AKAP6: variants seen among roughly 807,000 people sequenced by gnomAD.
AKAP6 encodes the protein A-kinase anchoring protein 6, also known as A-kinase anchor protein 6.
A neutral mutation model predicts 188.5 loss-of-function variants in AKAP6; 58 were observed. That is an observed-to-expected ratio of 0.31 (90% CI 0.25 to 0.38). The LOEUF (loss-of-function observed/expected upper bound fraction) is 0.38. Ranked by LOEUF, AKAP6 falls within the 10% of genes least tolerant of loss-of-function variation. The pLI, the probability that AKAP6 is intolerant of heterozygous loss-of-function variation, is 1.00. For synonymous variants in AKAP6, 989 were observed against 998.6 expected (o/e 0.99, Z 0.18); for missense variants, 2,710 against 2,740.0 (o/e 0.99, Z 0.24).
At chr14:32,389,878 T>C (rs1399651678) in intron 1 of AKAP6, among the ~76,000 whole-genome samples, 1 of 152,162 alleles carries the variant, frequency 6.6e-6, no homozygotes, top group Non-Finnish European at 1.5e-5. Flanking sequence ...CTTCTTGTAT[T>C]TGGATGTGTG....
intron 2 of AKAP6, among the ~76,000 whole-genome samples, chr14:32,495,917 A>C (rs1880292643): frequency 6.6e-6 from 1 of 152,202 alleles, no homozygotes; most frequent in Admixed American, 6.5e-5. Flanking sequence ...TGCCCGTATC[A>C]GTGTAAGTAA....
chr14:32,684,627 T>TC (rs1400607126), intron 8 of AKAP6, among the ~76,000 whole-genome samples: 1 of 152,132 alleles, frequency 6.6e-6, no homozygotes, highest in East Asian at 1.9e-4. Flanking sequence ...AAGAATAGAA[T>TC]TCAAGTTAGC....
chr14:32,540,192 A>ATTTTT (rs1555338084), intron 3 of AKAP6, among the ~76,000 whole-genome samples: 1 of 123,424 alleles, frequency 8.1e-6, no homozygotes, highest in Non-Finnish European at 1.7e-5. Context: ...ATATATATAT[A>ATTTTT]TTTTAATTTT....
At chr14:32,467,113 G>A (rs138802106) in intron 2 of AKAP6, among the ~76,000 whole-genome samples, 1,644 of 150,746 alleles carry the variant, frequency 0.011, 12 homozygotes, top group East Asian at 0.021. Flanking sequence ...TCATTACCTC[G>A]GTGACGAGAC....
At chr14:32,782,686 C>G (rs2033289463) in intron 12 of AKAP6, among the ~76,000 whole-genome samples, 1 of 152,032 alleles carries the variant, frequency 6.6e-6, no homozygotes, top group Non-Finnish European at 1.5e-5. Context: ...AGGGATGTAT[C>G]TAACAATAGA....
At chr14:32,589,052 G>A (rs1223878045) in intron 5 of AKAP6, among the ~76,000 whole-genome samples, 2 of 152,086 alleles carry the variant, frequency 1.3e-5, no homozygotes, top group Non-Finnish European at 2.9e-5. Flanking sequence ...ACTTCCTGGT[G>A]CCCATCTCTC....
chr14:32,587,765 C>T (rs1885314754), intron 5 of AKAP6, among the ~76,000 whole-genome samples: 1 of 152,192 alleles, frequency 6.6e-6, no homozygotes, highest in Admixed American at 6.5e-5. Context: ...CACTGCTCTA[C>T]AGCTGGGCAA....
chr14:32,684,917 A>G (rs1279583693), intron 8 of AKAP6, among the ~76,000 whole-genome samples: 1 of 152,168 alleles, frequency 6.6e-6, no homozygotes, highest in African/African-American at 2.4e-5. Flanking sequence ...TCTCTATGGT[A>G]TTCAGTGTAG....
intron 1 of AKAP6, among the ~76,000 whole-genome samples, chr14:32,332,962 T>A (rs1034579998): frequency 6.6e-6 from 1 of 152,150 alleles, no homozygotes; most frequent in Non-Finnish European, 1.5e-5. Context: ...AGCGTCATTA[T>A]TGGGCTCTAA....
At chr14:32,520,515 A>G (rs1028933716) in intron 2 of AKAP6, among the ~76,000 whole-genome samples, 3 of 152,234 alleles carry the variant, frequency 2.0e-5, no homozygotes, top group Non-Finnish European at 4.4e-5. Flanking sequence ...TAAAGGGGAT[A>G]TCACCACCAA....
At chr14:32,432,459 A>G (rs1356385642) in intron 1 of AKAP6, among the ~76,000 whole-genome samples, 1 of 152,162 alleles carries the variant, frequency 6.6e-6, no homozygotes, top group Admixed American at 6.6e-5. Context: ...TTTACTGTTT[A>G]TGTATTTCAG....
intron 1 of AKAP6, among the ~76,000 whole-genome samples, chr14:32,402,367 A>G (rs1889124605): frequency 6.6e-6 from 1 of 152,170 alleles, no homozygotes; most frequent in Non-Finnish European, 1.5e-5. Context: ...AACATACAGC[A>G]TTTTTCCTAA....
intron 5 of AKAP6, among the ~76,000 whole-genome samples, chr14:32,593,684 C>A (rs911456137): frequency 2.0e-5 from 3 of 152,140 alleles, no homozygotes; most frequent in African/African-American, 7.2e-5. Context: ...CCAAAGTGTT[C>A]AAGGGCTGGA....
chr14:32,718,471 G>A (rs899392104), intron 9 of AKAP6, among the ~76,000 whole-genome samples: 4 of 152,096 alleles, frequency 2.6e-5, no homozygotes, highest in Non-Finnish European at 5.9e-5. Flanking sequence ...TACTGGTATC[G>A]GAACTAAAAA....
At chr14:32,397,228 T>A (rs1888908386) in intron 1 of AKAP6, among the ~76,000 whole-genome samples, 1 of 152,138 alleles carries the variant, frequency 6.6e-6, no homozygotes, top group Non-Finnish European at 1.5e-5. Context: ...CTGCCTTTTA[T>A]GCCAGGATAG....
At chr14:32,507,541 G>GTT (rs201941553) in intron 2 of AKAP6, among the ~76,000 whole-genome samples, 19 of 148,178 alleles carry the variant, frequency 1.3e-4, no homozygotes, top group East Asian at 2.0e-4. Context: ...CATTGTGGTG[G>GTT]TTTTTTTTTT....
intron 12 of AKAP6, among the ~76,000 whole-genome samples, chr14:32,798,882 A>G (rs1285134455): frequency 6.9e-6 from 1 of 145,318 alleles, no homozygotes; most frequent in Non-Finnish European, 1.5e-5. Context: ...TAAAAGTTGG[A>G]AAAAAAAAAA....
At position 32,822,167 on chromosome 14, in the gene AKAP6, G is replaced by A. The variant is rs1437896092; in HGVS notation, c.4354G>A (p.Asp1452Asn). The part of the protein sequence containing the change: ...DLNSITKHTP[D>N]CLGEELQGKH... ...AAACAGTATTACCAAACATACCCCT[G>A]ACTGTTTGGGAGAAGAATTACAAGG... Residue 1452 changes from aspartate (D) to asparagine (N), a missense_variant, in exon 13 of 14, where the codon GAC becomes AAC. Asp to Asn is a conservative substitution (Grantham distance 23). This residue lies in a region of AKAP6 where 2,473 missense variants were observed against 2,426.1 expected (regional missense o/e 1.02). Coordinates refer to ENST00000280979, the MANE Select transcript of AKAP6 (RefSeq NM_004274.5). 6.2e-7 allele frequency: 1 copy of A among 1,613,746 alleles called. No homozygotes were observed. The highest frequency in any genetic ancestry group is 8.5e-7 in the Non-Finnish European group (1 of 1,179,932).
Position 32,824,117 on chromosome 14 carries a change from A to C in AKAP6, c.6304A>C (p.Ile2102Leu), listed in dbSNP as rs747481049. 1 of 1,613,964 alleles carries C rather than the reference A, an allele frequency of 6.2e-7. No homozygotes were observed. The highest frequency in any genetic ancestry group is 2.2e-5 in the East Asian group (1 of 44,874). ...AGTGTTGGAGCATTCTCACCGGCCC[A>C]TCCAGCTGAGAAAAGGGGACTTTTA... ...EKVLEHSHRP[I>L]QLRKGDFYSY... Residue 2102 changes from isoleucine (I) to leucine (L), a missense_variant, in exon 13 of 14, where the codon ATC becomes CTC. This residue lies in a region of AKAP6 where 2,473 missense variants were observed against 2,426.1 expected (regional missense o/e 1.02). Transcript: ENST00000280979.
Sources: gnomAD v4.1 joint callset for allele counts (sites outside exome capture counted in the v4.1 genomes callset) on GRCh38, gnomAD v4.1.1 for gene constraint, gnomAD v4.1.1 regional missense constraint, MANE v1.5 for transcripts, NCBI Gene and HGNC (gene_info 2026-07-23, HGNC 2026-07-21) for gene names.